USP34: variants seen among roughly 807,000 people sequenced by gnomAD.
USP34 encodes the protein ubiquitin carboxyl-terminal hydrolase 34.
Under a neutral mutation model 460.3 loss-of-function variants are expected in USP34, and 70 were observed. That is an observed-to-expected ratio of 0.15 (90% CI 0.13 to 0.19). The LOEUF is 0.19. Ranked by LOEUF, USP34 falls within the 10% of genes least tolerant of loss-of-function variation. The pLI is 1.00. For synonymous variants in USP34, 1,647 were observed against 1,405.3 expected, an observed-to-expected ratio of 1.17 and a Z score of -3.85; for missense variants, 3,985 against 4,236.2, an observed-to-expected ratio of 0.94 and a Z score of 1.65.
chr2:61,289,570 C>T (rs1453839645), intron 33 of USP34, among the ~76,000 whole-genome samples: 2 of 152,062 alleles, frequency 1.3e-5, no homozygotes, highest in Non-Finnish European at 2.9e-5. Flanking sequence ...CTCCTGCTCT[C>T]CTGATTCCAC....
intron 20 of USP34, among the ~76,000 whole-genome samples, chr2:61,329,409 AAAG>A (rs1558532851): frequency 1.3e-5 from 2 of 152,296 alleles, no homozygotes; most frequent in South Asian, 4.1e-4. Context: ...CAATAGGAAA[AAAG>A]AAGGATACTG....
At chr2:61,371,493 A>G (rs994829193) in intron 8 of USP34, among the ~76,000 whole-genome samples, 17 of 152,188 alleles carry the variant, frequency 1.1e-4, no homozygotes, top group Non-Finnish European at 1.2e-4. Context: ...GAATATAAAG[A>G]AAAAATACTT....
intron 75 of USP34, among the ~76,000 whole-genome samples, chr2:61,198,671 C>T (rs747163181): frequency 4.6e-5 from 7 of 151,848 alleles, no homozygotes; most frequent in Non-Finnish European, 8.8e-5. Context: ...GAGTTCGAGA[C>T]CAGCCTGCCT....
At chr2:61,320,556 T>C (rs1302628497) in intron 21 of USP34, among the ~76,000 whole-genome samples, 1 of 152,184 alleles carries the variant, frequency 6.6e-6, no homozygotes, top group African/African-American at 2.4e-5. Flanking sequence ...TTTATTTATA[T>C]AAAAGTGTAT....
intron 41 of USP34, among the ~76,000 whole-genome samples, chr2:61,271,106 A>T (rs1415073382): frequency 2.0e-5 from 3 of 152,070 alleles, no homozygotes; most frequent in Non-Finnish European, 2.9e-5. Context: ...CAACATGGTG[A>T]AAACCCGCCT....
At chr2:61,407,342 C>T (rs1693905276) in intron 2 of USP34, among the ~76,000 whole-genome samples, 1 of 152,166 alleles carries the variant, frequency 6.6e-6, no homozygotes, top group Non-Finnish European at 1.5e-5. Context: ...GCCTGAGTGA[C>T]AGAGCAAAAC....
chr2:61,364,937 T>G (rs1462833749), intron 10 of USP34, among the ~76,000 whole-genome samples: 6 of 145,810 alleles, frequency 4.1e-5, no homozygotes, highest in Admixed American at 3.4e-4. Flanking sequence ...CTCAAAAAAA[T>G]AATTTAAAAA....
chr2:61,228,853 C>T lies in USP34; in HGVS notation c.7342G>A (p.Glu2448Lys), dbSNP rs1182194790. Reference protein sequence around the residue: ...HLTEYFAFLYEFAKMGEEESQ... With the variant: ...HLTEYFAFLYKFAKMGEEESQ... The stretch of plus-strand genomic sequence containing the variant: ...TCTTCTTCACCCATTTTTGCAAATT[C>T]GTAAAGGAAGGCAAAATACTCTGTA... The change falls in exon 60 of 80, where the codon GAA (glutamate) becomes AAA (lysine). Residue 2448 changes from glutamate (E) to lysine (K), a missense_variant. Glu to Lys is a moderately conservative substitution (Grantham distance 56). Around this residue, in one of 14 missense-constraint regions of USP34, gnomAD observed 604 missense variants for 684.8 expected, o/e 0.88. Transcript: ENST00000398571. 2 of 1,594,482 alleles carry T rather than the reference C, an allele frequency of 1.3e-6. No individual in the cohort carries two copies. The highest frequency in any genetic ancestry group is 1.7e-6 in the Non-Finnish European group (2 of 1,171,604).
chr2:61,255,535 T>C (rs1341101489), intron 48 of USP34, among the ~76,000 whole-genome samples: 12 of 152,218 alleles, frequency 7.9e-5, no homozygotes. Context: ...AAAATGGGGA[T>C]AATAACAGCA....
At chr2:61,222,800 G>C (rs1393590430) in intron 64 of USP34, 137 bp from the exon 65 acceptor site, 3 of 800,000 alleles carry the variant, frequency 3.8e-6, no homozygotes, top group Non-Finnish European at 4.0e-6. Flanking sequence ...AGGCTCAAGC[G>C]ATCCTCCTGC....
At chr2:61,308,722 G>C (rs1317677109) in intron 27 of USP34, among the ~76,000 whole-genome samples, 3 of 152,106 alleles carry the variant, frequency 2.0e-5, no homozygotes, top group African/African-American at 7.2e-5. Flanking sequence ...AAAAAGTGAA[G>C]ACTGATTAAT....
intron 43 of USP34, among the ~76,000 whole-genome samples, chr2:61,260,413 A>T (rs1356460015): frequency 1.3e-5 from 2 of 152,346 alleles, no homozygotes; most frequent in South Asian, 4.1e-4. Flanking sequence ...ATGAATCTAT[A>T]AAGTAGGTAT....
intron 27 of USP34, among the ~76,000 whole-genome samples, chr2:61,310,698 G>A (rs768141698): frequency 1.3e-5 from 2 of 150,360 alleles, no homozygotes; most frequent in African/African-American, 4.9e-5. Context: ...TATATATTAG[G>A]CCTACATGAA....
Position 61,223,137 on chromosome 2 carries a change from G to T in USP34, c.7672C>A (p.Arg2558Ser). 1 of 1,613,930 alleles carries T rather than the reference G, an allele frequency of 6.2e-7. No individual in the cohort carries two copies. The highest frequency in any genetic ancestry group is 1.1e-5 in the South Asian group (1 of 91,046). ...GTTTGTCTTATATTGATGCCATCAC[G>T]AATATGTTGAAACAAGAAGGGAAAT... is the stretch of plus-strand genomic sequence containing the variant. ...KGFPFLFQHI[R>S]DGINIRQTCN... is the part of the protein sequence containing the mutation. Residue 2558 changes from arginine (R) to serine (S), a missense_variant, in exon 64 of 80, where the codon CGT becomes AGT. Transcript: ENST00000398571.
chr2:61,311,516 G>T (rs368766500), intron 27 of USP34, 24 bp downstream of exon 27: 38 of 1,535,456 alleles, frequency 2.5e-5, no homozygotes, highest in Non-Finnish European at 3.1e-5. Flanking sequence ...AAGAGAAAGA[G>T]AAAATTTGAA....
rs1353516392 is a variant in USP34, at chr2:61,227,120, A to T, written c.7542T>A (p.Leu2514=). The T allele has an allele frequency of 6.2e-7, 1 of 1,613,756 alleles. No individual in the cohort carries two copies. Among genetic ancestry groups the T allele is most frequent in the East Asian group, 2.2e-5 (1 of 44,860 alleles). The stretch of plus-strand genomic sequence containing the variant: ...GAGCAACTAAAGCTATCATCTTTTC[A>T]AGGGCAGCTGGCCTGTATTTTTCTT... The part of the protein sequence containing the change: ...LAEEKYRPAA[L]EKMIALVALL... Residue 2514 remains leucine, a synonymous_variant, in exon 62 of 80, where the codon CTT becomes CTA. Transcript: ENST00000398571.
Position 61,223,073 on chromosome 2 carries a change from C to A in USP34, c.7736G>T (p.Arg2579Leu). 6.2e-7 allele frequency: 1 copy of A among 1,612,930 alleles called. No individual in the cohort carries two copies. The highest frequency in any genetic ancestry group is 1.1e-5 in the South Asian group (1 of 90,928). The change falls in exon 64 of 80, where the codon CGA (arginine) becomes CTA (leucine). Residue 2579 changes from arginine to leucine, a missense_variant. By Grantham distance (102) the Arg-to-Leu change is moderately radical. Transcript: ENST00000398571. ...CTTAGCACTTACATGTTCTGCAAGT[C>A]GATTATTGTATCGACACAGGCTGAA... is the stretch of plus-strand genomic sequence containing the variant. ...LIFSLCRYNNRLAEHIVSMLF... is the reference protein window; with the variant it reads ...LIFSLCRYNNLLAEHIVSMLF...
At chr2:61,374,574 T>C (rs1313958060) in intron 8 of USP34, among the ~76,000 whole-genome samples, 1 of 151,936 alleles carries the variant, frequency 6.6e-6, no homozygotes, top group Non-Finnish European at 1.5e-5. Context: ...GATGACCAAA[T>C]CTGCACACAC....
chr2:61,329,183 G>C (rs1484715916), intron 20 of USP34, among the ~76,000 whole-genome samples: 1 of 149,700 alleles, frequency 6.7e-6, no homozygotes, highest in East Asian at 2.0e-4. Context: ...CACCACGCCT[G>C]CCTTTTTTTT....
Sources: gnomAD v4.1 joint callset for allele counts (sites outside exome capture counted in the v4.1 genomes callset) on GRCh38, gnomAD v4.1.1 for gene constraint, gnomAD v4.1.1 regional missense constraint, MANE v1.5 for transcripts, NCBI Gene and HGNC (gene_info 2026-07-23, HGNC 2026-07-21) for gene names.